Variants in GNB4 observed in about 807,000 individuals in gnomAD.
GNB4 encodes G protein subunit beta 4, also known as guanine nucleotide-binding protein subunit beta-4.
A neutral mutation model predicts 45.2 loss-of-function variants in GNB4; 28 were observed. The observed-to-expected ratio is 0.62, with a 90% CI of 0.46 to 0.85. GNB4 has a LOEUF of 0.85. GNB4 is among the 40% of genes least tolerant of loss of function. GNB4 has a pLI of 0.00. For synonymous variants in GNB4, 132 were observed against 143.7 expected (o/e 0.92, Z 0.58); for missense variants, 321 against 425.4 (o/e 0.75, Z 2.16).
At chr3:179,467,640 G>A in the GNB4 span, among the ~76,000 whole-genome samples, 2 of 152,170 alleles carry the variant, frequency 1.3e-5, no homozygotes, top group Non-Finnish European at 2.9e-5. Flanking sequence ...TCAAGTCATA[G>A]TTGTTTTGGA....
At chr3:179,407,852 G>C (rs954474094) in intron 8 of GNB4, among the ~76,000 whole-genome samples, 5 of 152,276 alleles carry the variant, frequency 3.3e-5, no homozygotes, top group South Asian at 4.1e-4. Context: ...CCTCCAGACA[G>C]AGGGAAAACC....
At chr3:179,527,227 C>G in the GNB4 span, among the ~76,000 whole-genome samples, 1 of 152,108 alleles carries the variant, frequency 6.6e-6, no homozygotes, top group East Asian at 1.9e-4. Flanking sequence ...GCCTGGAAGA[C>G]GTTCTCTCTC....
the GNB4 span, among the ~76,000 whole-genome samples, chr3:179,493,143 A>G: frequency 6.6e-6 from 1 of 152,168 alleles, no homozygotes; most frequent in Non-Finnish European, 1.5e-5. Flanking sequence ...TGCACACATC[A>G]ATACAAGGCC....
At chr3:179,443,683 A>G (rs1472931576) in intron 1 of GNB4, among the ~76,000 whole-genome samples, 1 of 152,214 alleles carries the variant, frequency 6.6e-6, no homozygotes, top group Non-Finnish European at 1.5e-5. Context: ...TTAACAAGCA[A>G]GTGTACTTAT....
intron 8 of GNB4, chr3:179,405,681 G>T (rs1023986959): frequency 3.1e-6 from 1 of 326,846 alleles, no homozygotes; most frequent in African/African-American, 2.1e-5. Flanking sequence ...CATATGTCAT[G>T]TTGAAACATT....
At position 179,397,991 on chromosome 3, in the gene GNB4, A is replaced by C. The variant is rs945848528; in HGVS notation, c.*3222T>G. 1 of 151,956 alleles carries C rather than the reference A, an allele frequency of 6.6e-6. No homozygotes were observed. The highest frequency in any genetic ancestry group is 2.4e-5 in the African/African-American group (1 of 41,354). 9.4% of individuals were successfully genotyped at this position (151,956 alleles called of 1,614,324 possible). A position where few individuals can be genotyped will look rare whatever the true frequency, so the allele number is the denominator to read the frequency against. On this transcript the variant is annotated 3_prime_UTR_variant, in exon 10 of 10. Coordinates refer to ENST00000232564, the MANE Select transcript of GNB4 (RefSeq NM_021629.4). ...TGATCCACCTGCCTCGGCCTCCCAAAGTGCTGGGATTACAGGTGTGAGCCA... is the reference window on the plus strand; with the variant it reads ...TGATCCACCTGCCTCGGCCTCCCAACGTGCTGGGATTACAGGTGTGAGCCA...
Position 179,401,014 on chromosome 3 carries a change from T to C in GNB4, c.*199A>G. On this transcript the variant is annotated 3_prime_UTR_variant, in exon 10 of 10. Transcript: ENST00000232564. The stretch of plus-strand genomic sequence containing the variant: ...ACCCCTCAAATTAATACACTGGTCC[T>C]TTTGATCTCAGAAGGCGCCTTTGCC... 2 of 490,242 alleles carry C rather than the reference T, an allele frequency of 4.1e-6. No individual in the cohort carries two copies. Among genetic ancestry groups the C allele is most frequent in the East Asian group, 6.4e-5 (2 of 31,050 alleles). 30.4% of individuals were successfully genotyped at this position (490,242 alleles called of 1,614,324 possible).
chr3:179,409,788 AAC>A (rs1206578295), intron 8 of GNB4, among the ~76,000 whole-genome samples: 1 of 150,206 alleles, frequency 6.7e-6, no homozygotes, highest in Non-Finnish European at 1.5e-5. Context: ...CCAGCCTCGC[AAC>A]AGAGCAAGAC....
chr3:179,522,061 T>C, the GNB4 span, among the ~76,000 whole-genome samples: 15 of 152,264 alleles, frequency 9.9e-5, no homozygotes, highest in South Asian at 3.1e-3. Flanking sequence ...ATTTTTCTTA[T>C]TAATATAAGA....
the GNB4 span, among the ~76,000 whole-genome samples, chr3:179,496,552 C>T: frequency 6.6e-6 from 1 of 151,886 alleles, no homozygotes; most frequent in African/African-American, 2.4e-5. Context: ...ATAAAGTGGC[C>T]GAACTGATTA....
Position 179,402,772 on chromosome 3 carries a change from G to C in GNB4, c.917-1453C>G, listed in dbSNP as rs140797413. ...GGTAGAACCAGGTATCTCTGGAACAGGTAGGGGCAAAGGCAGAGTAAAATA... is the reference window on the plus strand; with the variant it reads ...GGTAGAACCAGGTATCTCTGGAACACGTAGGGGCAAAGGCAGAGTAAAATA... On this transcript the variant is annotated intron_variant, in intron 9 of 9. Coordinates refer to ENST00000232564, the MANE Select transcript of GNB4 (RefSeq NM_021629.4). 5.9e-3 allele frequency among the ~76,000 whole-genome samples: 898 copies of C among 152,318 alleles called. 7 individuals carry two copies. Among genetic ancestry groups the C allele is most frequent in the African/African-American group, 0.021 (859 of 41,566 alleles).
At chr3:179,515,320 C>T in the GNB4 span, among the ~76,000 whole-genome samples, 3 of 152,166 alleles carry the variant, frequency 2.0e-5, no homozygotes, top group Non-Finnish European at 2.9e-5. Flanking sequence ...TGCACGTCCA[C>T]GTGAAGAGAC....
At chr3:179,404,221 G>A (rs1044891472) in intron 9 of GNB4, among the ~76,000 whole-genome samples, 2 of 152,098 alleles carry the variant, frequency 1.3e-5, no homozygotes, top group African/African-American at 2.4e-5. Flanking sequence ...TTAAAAAGTC[G>A]GAATTATGTA....
the GNB4 span, among the ~76,000 whole-genome samples, chr3:179,462,731 G>A: frequency 3.4e-4 from 52 of 152,052 alleles, no homozygotes; most frequent in African/African-American, 1.2e-3. Flanking sequence ...CCAGCTACTC[G>A]GGAGGCTGAG....
intron 8 of GNB4, among the ~76,000 whole-genome samples, chr3:179,411,967 C>T (rs1222536578): frequency 6.6e-6 from 1 of 152,102 alleles, no homozygotes; most frequent in Non-Finnish European, 1.5e-5. Context: ...CAAGCAGTAT[C>T]CTACCTTCTT....
At chr3:179,468,035 A>AAAAAAATATATATATATAT in the GNB4 span, among the ~76,000 whole-genome samples, 16 of 89,858 alleles carry the variant, frequency 1.8e-4, no homozygotes, top group Admixed American at 4.5e-4. Context: ...TGTTGATAAA[A>AAAAAAATATATATATATAT]ATATATATAT....
At chr3:179,468,035 A>AAAAAAAAAAAAAAAAAAATATATAT in the GNB4 span, among the ~76,000 whole-genome samples, 2 of 89,856 alleles carry the variant, frequency 2.2e-5, no homozygotes, top group African/African-American at 8.0e-5. Flanking sequence ...TGTTGATAAA[A>AAAAAAAAAAAAAAAAAAATATATAT]ATATATATAT....
intron 9 of GNB4, among the ~76,000 whole-genome samples, chr3:179,401,920 G>GT (rs1472347766): frequency 3.9e-5 from 6 of 152,104 alleles, no homozygotes; most frequent in Non-Finnish European, 8.8e-5. Context: ...CTCATTTGAT[G>GT]TATTTCCAGT....
the GNB4 span, among the ~76,000 whole-genome samples, chr3:179,507,820 TC>T: frequency 6.6e-5 from 10 of 152,216 alleles, no homozygotes; most frequent in African/African-American, 1.4e-4. Flanking sequence ...TCGCGTCTTC[TC>T]CACTGCAATG....
Sources: allele counts gnomAD v4.1 joint callset (sites outside exome capture counted in the v4.1 genomes callset), GRCh38; gene constraint gnomAD v4.1.1; transcripts MANE v1.5; gene names NCBI Gene and HGNC (gene_info 2026-07-23, HGNC 2026-07-21).